Variants in DOK6 observed in about 807,000 individuals in gnomAD.
The protein encoded by DOK6 is downstream of tyrosine kinase 6.
In DOK6, 22 loss-of-function variants were observed where a neutral mutation model predicts 44.0. The ratio of observed to expected loss-of-function variants is 0.50; its 90% CI spans 0.36 to 0.71. The LOEUF is 0.71. Ranked by LOEUF, DOK6 falls within the 30% of genes least tolerant of loss-of-function variation. DOK6 has a pLI of 0.00. For synonymous variants in DOK6, 166 were observed against 145.5 expected, an observed-to-expected ratio of 1.14 and a Z score of -1.01; for missense variants, 340 against 416.4, an observed-to-expected ratio of 0.82 and a Z score of 1.60.
At chr18:69,803,936 C>T (rs546829090) in intron 7 of DOK6, among the ~76,000 whole-genome samples, 9 of 152,246 alleles carry the variant, frequency 5.9e-5, no homozygotes, top group South Asian at 2.1e-4. Context: ...AATAGAAAGT[C>T]ACTTTGGTTT....
intron 7 of DOK6, among the ~76,000 whole-genome samples, chr18:69,815,140 G>A (rs547589021): frequency 1.4e-4 from 21 of 152,192 alleles, no homozygotes; most frequent in Admixed American, 1.2e-3. Context: ...GAAAAGCAAG[G>A]CAAGGGTTAA....
intron 1 of DOK6, among the ~76,000 whole-genome samples, chr18:69,454,747 A>T (rs1173506947): frequency 7.2e-6 from 1 of 139,266 alleles, no homozygotes; most frequent in Non-Finnish European, 1.6e-5. Context: ...TGATGAGTTC[A>T]TGTCCTTTGT....
At chr18:69,484,382 G>A (rs1237738562) in intron 1 of DOK6, among the ~76,000 whole-genome samples, 2 of 152,124 alleles carry the variant, frequency 1.3e-5, no homozygotes, top group Non-Finnish European at 2.9e-5. Context: ...TATTTTTGCT[G>A]ATGGGAACAA....
At chr18:69,813,336 C>T (rs1041701141) in intron 7 of DOK6, among the ~76,000 whole-genome samples, 2 of 152,022 alleles carry the variant, frequency 1.3e-5, no homozygotes, top group Non-Finnish European at 2.9e-5. Context: ...CCAGGTTGAA[C>T]GTATGTCCTT....
intron 7 of DOK6, among the ~76,000 whole-genome samples, chr18:69,804,427 A>G (rs1980994592): frequency 1.3e-5 from 2 of 152,218 alleles, no homozygotes; most frequent in Admixed American, 1.3e-4. Flanking sequence ...CAGAGTTTTC[A>G]TAATCTGTAA....
At chr18:69,477,545 C>T (rs905185436) in intron 1 of DOK6, among the ~76,000 whole-genome samples, 1 of 152,036 alleles carries the variant, frequency 6.6e-6, no homozygotes, top group African/African-American at 2.4e-5. Flanking sequence ...AATATGAAGT[C>T]CTGAAGATGC....
At chr18:69,587,996 C>A (rs971813386) in intron 2 of DOK6, among the ~76,000 whole-genome samples, 2 of 152,090 alleles carry the variant, frequency 1.3e-5, no homozygotes, top group Non-Finnish European at 2.9e-5. Context: ...TAGTTGAATT[C>A]TTCTCTGTAA....
At chr18:69,466,456 A>G (rs1979929836) in intron 1 of DOK6, among the ~76,000 whole-genome samples, 1 of 152,148 alleles carries the variant, frequency 6.6e-6, no homozygotes. Flanking sequence ...GCTATTGTCA[A>G]TAATGCTGCA....
intron 2 of DOK6, among the ~76,000 whole-genome samples, chr18:69,571,723 T>C (rs1983118853): frequency 6.6e-6 from 1 of 151,960 alleles, no homozygotes; most frequent in African/African-American, 2.4e-5. Context: ...AACTTAAAAA[T>C]ACATAAAGCA....
At chr18:69,668,958 T>C (rs557209717) in intron 3 of DOK6, among the ~76,000 whole-genome samples, 19 of 152,272 alleles carry the variant, frequency 1.2e-4, no homozygotes, top group African/African-American at 4.3e-4. Flanking sequence ...GGAAGTATGG[T>C]AGGGTTTTGT....
At chr18:69,747,678 C>G (rs1378030098) in intron 6 of DOK6, among the ~76,000 whole-genome samples, 2 of 151,730 alleles carry the variant, frequency 1.3e-5, no homozygotes, top group Non-Finnish European at 2.9e-5. Context: ...CTATTGGGAG[C>G]TCTGTAGTTG....
intron 7 of DOK6, among the ~76,000 whole-genome samples, chr18:69,817,517 G>T (rs527655422): frequency 6.6e-6 from 1 of 152,072 alleles, no homozygotes; most frequent in African/African-American, 2.4e-5. Context: ...GCAGACAGCC[G>T]CCTTCTCACT....
intron 1 of DOK6, among the ~76,000 whole-genome samples, chr18:69,410,182 C>T (rs765471360): frequency 6.6e-6 from 1 of 152,210 alleles, no homozygotes; most frequent in South Asian, 2.1e-4. Flanking sequence ...CCGTTGTTTT[C>T]TGATATTTTG....
intron 4 of DOK6, among the ~76,000 whole-genome samples, chr18:69,695,785 G>T (rs10871650): frequency 0.51 from 77,008 of 152,062 alleles, 20,266 homozygotes; most frequent in East Asian, 0.76. Context: ...TTTGAAAATT[G>T]AAAATATAAA....
At chr18:69,495,947 G>A (rs577087933) in intron 1 of DOK6, among the ~76,000 whole-genome samples, 3 of 152,356 alleles carry the variant, frequency 2.0e-5, no homozygotes, top group South Asian at 4.1e-4. Flanking sequence ...TGAGATTTGA[G>A]CGGGTGCCGG....
intron 1 of DOK6, among the ~76,000 whole-genome samples, chr18:69,561,157 G>A (rs1184066464): frequency 6.6e-6 from 1 of 152,102 alleles, no homozygotes; most frequent in East Asian, 1.9e-4. Context: ...AGCCCATCTT[G>A]GTAAATCCTC....
chr18:69,569,322 A>G (rs77066551), intron 2 of DOK6, among the ~76,000 whole-genome samples: 4,614 of 152,312 alleles, frequency 0.03, 84 homozygotes, highest in South Asian at 0.044. Context: ...AGCAACTCAC[A>G]ACTAAAGCTT....
intron 3 of DOK6, among the ~76,000 whole-genome samples, chr18:69,620,136 TA>T (rs1204778346): frequency 6.6e-6 from 1 of 152,092 alleles, no homozygotes; most frequent in Non-Finnish European, 1.5e-5. Context: ...TCCCTAAAAT[TA>T]TATTATAATG....
At chr18:69,833,621 A>G (rs542486544) in intron 7 of DOK6, among the ~76,000 whole-genome samples, 27 of 152,238 alleles carry the variant, frequency 1.8e-4, no homozygotes, top group African/African-American at 6.3e-4. Flanking sequence ...AATAAATGAG[A>G]CGACCTAAAG....
Sources: allele counts gnomAD v4.1 joint callset (sites outside exome capture counted in the v4.1 genomes callset), GRCh38; gene constraint gnomAD v4.1.1; transcripts MANE v1.5; gene names NCBI Gene and HGNC (gene_info 2026-07-23, HGNC 2026-07-21).